Variants in NREP observed in about 807,000 individuals in gnomAD.
NREP encodes neuronal regeneration related protein.
In NREP, 5 loss-of-function variants were observed where a neutral mutation model predicts 8.6. That is an observed-to-expected ratio of 0.58 (90% CI 0.30 to 1.22). The LOEUF (loss-of-function observed/expected upper bound fraction) is 1.22, where lower values mean the gene tolerates loss of function less well. Among genes scored for constraint, NREP ranks in the 50% most tolerant of loss-of-function variants. NREP has a pLI of 0.07. For synonymous variants in NREP, 27 were observed against 28.0 expected (o/e 0.96, Z 0.11); for missense variants, 86 against 82.5 (o/e 1.04, Z -0.17).
At chr5:111,774,169 T>C (rs974453391) in intron 2 of NREP, among the ~76,000 whole-genome samples, 1 of 148,876 alleles carries the variant, frequency 6.7e-6, no homozygotes, top group Non-Finnish European at 1.5e-5. Flanking sequence ...TGCTAGATAC[T>C]GTAGATGAGA....
chr5:111,743,121 T>C (rs1478618197), intron 2 of NREP, among the ~76,000 whole-genome samples: 2 of 151,464 alleles, frequency 1.3e-5, no homozygotes, highest in African/African-American at 4.8e-5. Flanking sequence ...ATACAAATCT[T>C]ATAAGTAATA....
intron 2 of NREP, among the ~76,000 whole-genome samples, chr5:111,876,502 C>G (rs989041393): frequency 3.9e-5 from 6 of 152,130 alleles, no homozygotes; most frequent in African/African-American, 1.2e-4. Flanking sequence ...CCACTGGTCT[C>G]CAATGAAACA....
chr5:111,855,654 C>A (rs547384620), intron 2 of NREP, among the ~76,000 whole-genome samples: 4 of 152,284 alleles, frequency 2.6e-5, no homozygotes, highest in African/African-American at 9.6e-5. Flanking sequence ...ACTGCAACAT[C>A]TAAGAACCTT....
intron 2 of NREP, among the ~76,000 whole-genome samples, chr5:111,884,263 G>A (rs1199017049): frequency 2.6e-5 from 4 of 151,348 alleles, no homozygotes; most frequent in Non-Finnish European, 5.9e-5. Flanking sequence ...ACTCTCCCAA[G>A]ACTAAACCAG....
chr5:111,757,894 C>T, upstream of NREP: 11 of 984,668 alleles, frequency 1.1e-5, no homozygotes, highest in Non-Finnish European at 1.3e-5. Context: ...AGCCCGGCGG[C>T]CCGCCAGGGC....
In NREP at chr5:111,937,868, C is replaced by T. The variant is rs1428274723; in HGVS notation, c.135+37406G>A. On this transcript the variant is annotated intron_variant, in intron 2 of 3. Coordinates refer to the NREP transcript ENST00000395634. Reference sequence around the variant, plus strand: ...CCCAACAGTCCATGACTCCAATTTACCTGGTCACCTGATTCAAAGTTAGGT... The same window carrying T: ...CCCAACAGTCCATGACTCCAATTTATCTGGTCACCTGATTCAAAGTTAGGT... Among the ~76,000 whole-genome samples the T allele has an allele frequency of 5.3e-5, 8 of 152,208 alleles. No homozygotes were observed. In the East Asian group the frequency reaches 1.6e-3, roughly 30 times the overall value.
intron 2 of NREP, among the ~76,000 whole-genome samples, chr5:111,841,059 T>C (rs1278014682): frequency 6.6e-6 from 1 of 152,106 alleles, no homozygotes; most frequent in African/African-American, 2.4e-5. Context: ...ATGCATGCGA[T>C]TTATTAACAT....
At chr5:111,974,063 A>C (rs1171252591) in intron 2 of NREP, among the ~76,000 whole-genome samples, 1 of 152,094 alleles carries the variant, frequency 6.6e-6, no homozygotes, top group Non-Finnish European at 1.5e-5. Context: ...GTTTATACAC[A>C]AGCTAAAAAA....
At chr5:111,814,990 G>C (rs952406766) in intron 2 of NREP, among the ~76,000 whole-genome samples, 3 of 150,816 alleles carry the variant, frequency 2.0e-5, no homozygotes, top group Non-Finnish European at 4.4e-5. Context: ...AATACCAAAG[G>C]AACTGGTGTA....
At chr5:111,904,885 G>T (rs1359476988) in intron 2 of NREP, among the ~76,000 whole-genome samples, 1 of 152,026 alleles carries the variant, frequency 6.6e-6, no homozygotes, top group South Asian at 2.1e-4. Context: ...CTGTCTCTCA[G>T]GCTCATTCAG....
intron 2 of NREP, among the ~76,000 whole-genome samples, chr5:111,906,234 A>G (rs1315647235): frequency 1.3e-5 from 2 of 152,088 alleles, no homozygotes; most frequent in East Asian, 3.8e-4. Context: ...GTATCTCTAT[A>G]GAGGCAGGAA....
chr5:111,921,238 C>T (rs1407579951), intron 2 of NREP, among the ~76,000 whole-genome samples: 2 of 152,102 alleles, frequency 1.3e-5, no homozygotes, highest in East Asian at 1.9e-4. Flanking sequence ...TGTCTAGCTA[C>T]TTCCTGCTGG....
At chr5:111,758,325 T>C, upstream of NREP, 1 of 892,420 alleles carries the variant, frequency 1.1e-6, no homozygotes, top group Non-Finnish European at 1.3e-6. Flanking sequence ...TCCTTCCCTA[T>C]ACGCTCCCCC....
chr5:111,812,313 ACAAT>A (rs1202392224), intron 2 of NREP, among the ~76,000 whole-genome samples: 3 of 151,152 alleles, frequency 2.0e-5, no homozygotes, highest in South Asian at 2.1e-4. Context: ...AAACAAACAA[ACAAT>A]CAAACTTTAG....
chr5:111,867,270 C>G (rs528028465), intron 2 of NREP, among the ~76,000 whole-genome samples: 3 of 152,224 alleles, frequency 2.0e-5, no homozygotes, highest in African/African-American at 7.2e-5. Flanking sequence ...GATCTAAAGA[C>G]TGGAAGTCTG....
At chr5:111,947,298 T>G (rs1561362062) in intron 2 of NREP, among the ~76,000 whole-genome samples, 1 of 152,040 alleles carries the variant, frequency 6.6e-6, no homozygotes, top group Non-Finnish European at 1.5e-5. Flanking sequence ...CAGATTTTAT[T>G]AATTCAGATT....
intron 2 of NREP, among the ~76,000 whole-genome samples, chr5:111,814,329 C>A (rs764552973): frequency 6.6e-6 from 1 of 152,076 alleles, no homozygotes; most frequent in Non-Finnish European, 1.5e-5. Context: ...AAGGAAGAGG[C>A]AAACATCTGA....
At chr5:111,806,449 G>A (rs992958612) in intron 2 of NREP, among the ~76,000 whole-genome samples, 2 of 152,170 alleles carry the variant, frequency 1.3e-5, no homozygotes, top group African/African-American at 4.8e-5. Flanking sequence ...ACGATCGTGT[G>A]TTCATATTCT....
chr5:111,735,210 G>GA, intron 3 of NREP: 1 of 428,150 alleles, frequency 2.3e-6, no homozygotes, highest in Non-Finnish European at 4.2e-6. Context: ...TGTTTTAAAT[G>GA]AAAATTTTTC....
Sources: allele counts gnomAD v4.1 joint callset (sites outside exome capture counted in the v4.1 genomes callset), GRCh38; gene constraint gnomAD v4.1.1; transcripts MANE v1.5; gene names NCBI Gene and HGNC (gene_info 2026-07-23, HGNC 2026-07-21).